Variants in ZNF518A observed in about 807,000 individuals in gnomAD.
The protein encoded by ZNF518A is zinc finger protein 518A.
ZNF518A carries 47 observed loss-of-function variants against 102.7 expected under a neutral mutation model. The observed-to-expected ratio is 0.46, with a 90% CI of 0.36 to 0.58. The LOEUF (loss-of-function observed/expected upper bound fraction) is 0.58, where lower values mean the gene tolerates loss of function less well. Among genes scored for constraint, ZNF518A ranks in the 20% least tolerant of loss-of-function variants. The pLI, the probability that ZNF518A is intolerant of heterozygous loss-of-function variation, is 0.00. For synonymous variants in ZNF518A, 652 were observed against 594.6 expected, an observed-to-expected ratio of 1.10 and a Z score of -1.40; for missense variants, 1,793 against 1,699.8, an observed-to-expected ratio of 1.05 and a Z score of -0.96.
At position 96,157,256 on chromosome 10, in the gene ZNF518A, A is replaced by C. The variant is rs1554883169; in HGVS notation, c.934A>C (p.Lys312Gln). 6.2e-7 allele frequency: 1 copy of C among 1,610,854 alleles called. No individual in the cohort carries two copies. The highest frequency in any genetic ancestry group is 8.5e-7 in the Non-Finnish European group (1 of 1,178,742). The part of the protein sequence containing the change: ...KRMAKTSAGL[K>Q]LILKRYKIGA... ...AATGGCAAAGACTTCTGCAGGACTT[A>C]AGCTAATACTGAAAAGATATAAAAT... Residue 312 changes from lysine (K) to glutamine (Q), a missense_variant, in exon 6 of 6, where the codon AAG (lysine) becomes CAG (glutamine). By Grantham distance (53) the Lys-to-Gln change is moderately conservative. This residue lies in a region of ZNF518A where 1,741 missense variants were observed against 1,622.6 expected (regional missense o/e 1.07). Transcript: ENST00000316045.
At chr10:96,203,966 C>T (rs1035686594) in exon 3 of ZNF518A, 13 of 1,051,668 alleles carry the variant, frequency 1.2e-5, no homozygotes, top group Middle Eastern at 4.0e-4. Flanking sequence ...CAGCTGGAAG[C>T]GACAGTGCTG....
chr10:96,136,975 G>A (rs1266515871), intron 3 of ZNF518A, among the ~76,000 whole-genome samples: 2 of 152,224 alleles, frequency 1.3e-5, no homozygotes, highest in East Asian at 1.9e-4. Context: ...CACAAAAGAA[G>A]CCATAGGCAA....
At chr10:96,186,203 T>G (rs1554892540) in intron 1 of ZNF518A, among the ~76,000 whole-genome samples, 1 of 152,192 alleles carries the variant, frequency 6.6e-6, no homozygotes, top group Non-Finnish European at 1.5e-5. Context: ...CCCACCCTGC[T>G]TTGGCTCGCC....
At chr10:96,141,524 G>T (rs587755589) in intron 3 of ZNF518A, among the ~76,000 whole-genome samples, 2 of 152,096 alleles carry the variant, frequency 1.3e-5, no homozygotes, top group African/African-American at 4.8e-5. Context: ...TAGTTTCAGG[G>T]AGTAATAAAG....
intron 1 of ZNF518A, among the ~76,000 whole-genome samples, chr10:96,182,972 G>A (rs7082441): frequency 0.071 from 10,866 of 152,116 alleles, 753 homozygotes; most frequent in African/African-American, 0.18. Flanking sequence ...TTGGTTGGTA[G>A]GCTATTAATT....
At chr10:96,194,329 G>A (rs1554894161) in intron 1 of ZNF518A, among the ~76,000 whole-genome samples, 1 of 152,152 alleles carries the variant, frequency 6.6e-6, no homozygotes, top group African/African-American at 2.4e-5. Flanking sequence ...TTAGATTCAA[G>A]AGTTTTGCAT....
chr10:96,192,364 T>C (rs782118661), intron 1 of ZNF518A, among the ~76,000 whole-genome samples: 1 of 152,194 alleles, frequency 6.6e-6, no homozygotes, highest in Non-Finnish European at 1.5e-5. Flanking sequence ...TAAAATATTA[T>C]AGTATATTGC....
In ZNF518A at chr10:96,162,811, GT is replaced by G. The variant is rs1241861511; in HGVS notation, c.*2043del. 1 of 166,686 alleles carries G rather than the reference GT, an allele frequency of 6.0e-6. No homozygotes were observed. Among genetic ancestry groups the G allele is most frequent in the African/African-American group, 2.4e-5 (1 of 41,428 alleles). 10.3% of individuals were successfully genotyped at this position (166,686 alleles called of 1,614,324 possible). On this transcript the variant is annotated 3_prime_UTR_variant, in exon 6 of 6. Transcript: ENST00000316045. ...GAAATACAGATTTTAAAGTGTATGT[GT>G]TTTTTCAATGCTAGTTAACTCTACA...
In ZNF518A at chr10:96,161,877, T is replaced by C. The variant is rs1554888235; in HGVS notation, c.*1103T>C. 6.0e-6 allele frequency: 1 copy of C among 166,948 alleles called. No homozygotes were observed. Among genetic ancestry groups the C allele is most frequent in the Non-Finnish European group, 1.5e-5 (1 of 68,002 alleles). The allele number at this position is 166,948 out of a possible 1,614,324, so 10.3% of individuals were successfully genotyped here. A position where few individuals can be genotyped will look rare whatever the true frequency, so the allele number is the denominator to read the frequency against. On this transcript the variant is annotated 3_prime_UTR_variant, in exon 6 of 6. Coordinates refer to ENST00000316045, the MANE Select transcript of ZNF518A (RefSeq NM_001330736.2). ...TGGCATTTGCAAAAGGAAGCATCAA[T>C]AGTGGACCCAGAGGCAGTGCATAAA...
rs1554886459 is a variant in ZNF518A, at chr10:96,159,770, C to G, written c.3448C>G (p.Pro1150Ala). The G allele has an allele frequency of 1.2e-6, 2 of 1,613,424 alleles. No homozygotes were observed. Among genetic ancestry groups the G allele is most frequent in the Non-Finnish European group, 1.7e-6 (2 of 1,179,730 alleles). ...PQRILLKIFNPVLNVTAANNL... is the reference protein window; with the variant it reads ...PQRILLKIFNAVLNVTAANNL... Reference sequence around the variant, plus strand: ...AAGAATATTGCTGAAAATTTTTAACCCTGTTTTAAATGTGACTGCTGCTAA... The same window carrying G: ...AAGAATATTGCTGAAAATTTTTAACGCTGTTTTAAATGTGACTGCTGCTAA... Residue 1150 changes from proline to alanine, a missense_variant, in exon 6 of 6, where the codon CCT becomes GCT. Transcript: ENST00000316045.
At chr10:96,203,933 TG>T in exon 3 of ZNF518A, 1 of 724,056 alleles carries the variant, frequency 1.4e-6, no homozygotes, top group East Asian at 2.6e-5. Flanking sequence ...AGGAAACAAG[TG>T]GGAGAAGATG....
At chr10:96,179,777 C>CTTCTTT (rs2083227507) in intron 1 of ZNF518A, among the ~76,000 whole-genome samples, 1 of 149,204 alleles carries the variant, frequency 6.7e-6, no homozygotes. Flanking sequence ...TCTTCTTCTT[C>CTTCTTT]CTTTTCTTCT....
At chr10:96,140,124 C>T (rs1554875945) in intron 3 of ZNF518A, among the ~76,000 whole-genome samples, 1 of 152,122 alleles carries the variant, frequency 6.6e-6, no homozygotes, top group African/African-American at 2.4e-5. Flanking sequence ...TCGCAGAGTG[C>T]TAGGATTACA....
intron 1 of ZNF518A, among the ~76,000 whole-genome samples, chr10:96,175,453 C>A (rs1226509295): frequency 6.6e-6 from 1 of 152,082 alleles, no homozygotes; most frequent in African/African-American, 2.4e-5. Context: ...TCAGTTGGGT[C>A]TTCTGGATAA....
intron 1 of ZNF518A, among the ~76,000 whole-genome samples, chr10:96,183,515 C>G (rs587595662): frequency 2.0e-5 from 3 of 152,280 alleles, no homozygotes; most frequent in African/African-American, 7.2e-5. Flanking sequence ...TACTTTGTGT[C>G]TTTGTTCTCA....
intron 1 of ZNF518A, chr10:96,199,861 TAA>T: frequency 3.7e-6 from 1 of 270,254 alleles, no homozygotes. Context: ...CCGTCTCTAC[TAA>T]AAATACAAAA....
intron 3 of ZNF518A, among the ~76,000 whole-genome samples, chr10:96,154,718 C>G (rs1202207225): frequency 2.6e-5 from 4 of 152,106 alleles, no homozygotes; most frequent in African/African-American, 7.2e-5. Context: ...CCCTAAAAAC[C>G]CTTCATGAGG....
Position 96,160,573 on chromosome 10 carries a change from A to G in ZNF518A, c.4251A>G (p.Lys1417=). 1 of 1,611,884 alleles carries G rather than the reference A, an allele frequency of 6.2e-7. No homozygotes were observed. ...HKTFKPVSSV[K]ERFVLKLTLK... The stretch of plus-strand genomic sequence containing the variant: ...CATTTAAACCTGTTAGTTCTGTGAA[A>G]GAAAGATTTGTGCTAAAATTAACAC... Residue 1417 remains lysine, a synonymous_variant, in exon 6 of 6, where the codon AAA becomes AAG. Coordinates refer to ENST00000316045, the MANE Select transcript of ZNF518A (RefSeq NM_001330736.2).
chr10:96,166,069 C>T (rs782047055), downstream of ZNF518A, among the ~76,000 whole-genome samples: 7 of 152,106 alleles, frequency 4.6e-5, no homozygotes, highest in Non-Finnish European at 8.8e-5. Context: ...GTTCTGATGT[C>T]CAAGGGCATG....
Sources: allele counts gnomAD v4.1 joint callset (sites outside exome capture counted in the v4.1 genomes callset), GRCh38; gene constraint gnomAD v4.1.1; regional missense constraint gnomAD v4.1.1; transcripts MANE v1.5; gene names NCBI Gene and HGNC (gene_info 2026-07-23, HGNC 2026-07-21).